Variants in SEZ6L observed in about 807,000 individuals in gnomAD.
The protein encoded by SEZ6L is seizure related 6 homolog like.
In SEZ6L, 37 loss-of-function variants were observed where a neutral mutation model predicts 106.2. The observed-to-expected ratio is 0.35, with a 90% CI of 0.27 to 0.46. The LOEUF is 0.46. SEZ6L is among the 20% of genes least tolerant of loss of function. SEZ6L has a pLI of 1.00. For missense variants in SEZ6L, 1,172 were observed against 1,332.8 expected (o/e 0.88, Z 1.88); for synonymous variants, 541 against 570.4 (o/e 0.95, Z 0.73).
At chr22:26,365,671 G>A (rs756401803) in intron 13 of SEZ6L, 105 bp downstream of exon 13, 131 of 1,019,634 alleles carry the variant, frequency 1.3e-4, no homozygotes, top group Admixed American at 1.9e-4. Flanking sequence ...CTAGGAGTTC[G>A]AGACCAGCCG....
At chr22:26,218,244 T>G (rs1382103362) in intron 1 of SEZ6L, among the ~76,000 whole-genome samples, 1 of 152,222 alleles carries the variant, frequency 6.6e-6, no homozygotes, top group African/African-American at 2.4e-5. Flanking sequence ...TTGTTTGTTT[T>G]GTTTTTTTAC....
intron 6 of SEZ6L, 49 bp downstream of exon 6, chr22:26,306,193 A>G (rs186376705): frequency 1.9e-6 from 3 of 1,592,596 alleles, no homozygotes; most frequent in Admixed American, 1.7e-5. Context: ...CCAGAATATT[A>G]GAACATGGCT....
chr22:26,232,613 C>T (rs1006435877), intron 1 of SEZ6L, among the ~76,000 whole-genome samples: 2 of 152,194 alleles, frequency 1.3e-5, no homozygotes, highest in African/African-American at 4.8e-5. Context: ...CATTGCATTA[C>T]AACTGCCAAT....
intron 1 of SEZ6L, among the ~76,000 whole-genome samples, chr22:26,175,976 T>A (rs1416072148): frequency 6.6e-6 from 1 of 152,198 alleles, no homozygotes; most frequent in African/African-American, 2.4e-5. Flanking sequence ...GCTGAAGACC[T>A]CAAACACCCC....
Position 26,352,160 on chromosome 22 carries a change from C to CAA in SEZ6L, c.2599+932_2599+933dup, listed in dbSNP as rs3071657. Among the ~76,000 whole-genome samples, 302 of 121,186 alleles carry CAA rather than the reference C, an allele frequency of 2.5e-3. 2 individuals carry two copies. The highest frequency in any genetic ancestry group is 8.6e-3 in the African/African-American group (272 of 31,676). The allele number at this position is 121,186 out of a possible 152,430, so 79.5% of individuals were successfully genotyped here. ...TGGGTGGCACAGCGAGACCCTGCCT[C>CAA]AAAAAAAAAAAAAAAAGAATACTAC... On this transcript the variant is annotated intron_variant, in intron 12 of 16. Coordinates refer to ENST00000248933, the MANE Select transcript of SEZ6L (RefSeq NM_021115.5).
intron 1 of SEZ6L, among the ~76,000 whole-genome samples, chr22:26,249,051 C>T (rs1445805049): frequency 6.6e-6 from 1 of 152,160 alleles, no homozygotes; most frequent in African/African-American, 2.4e-5. Flanking sequence ...TTTTAATTGA[C>T]ATATAATAAT....
chr22:26,284,458 AT>A (rs2080865338), intron 1 of SEZ6L, among the ~76,000 whole-genome samples: 1 of 152,078 alleles, frequency 6.6e-6, no homozygotes, highest in Admixed American at 6.6e-5. Flanking sequence ...AATATAAAAA[AT>A]ATTAGCCGGG....
intron 1 of SEZ6L, among the ~76,000 whole-genome samples, chr22:26,267,398 A>T (rs1051692355): frequency 9.2e-5 from 14 of 152,226 alleles, no homozygotes; most frequent in African/African-American, 3.1e-4. Flanking sequence ...AAAGTAGGAC[A>T]TGAGGCTGGT....
intron 1 of SEZ6L, among the ~76,000 whole-genome samples, chr22:26,188,454 T>A (rs918137161): frequency 6.6e-6 from 1 of 152,132 alleles, no homozygotes; most frequent in African/African-American, 2.4e-5. Flanking sequence ...AAGTTTTCCC[T>A]CATGTGACTT....
At chr22:26,376,770 A>C (rs2084240255) in intron 15 of SEZ6L, among the ~76,000 whole-genome samples, 1 of 152,128 alleles carries the variant, frequency 6.6e-6, no homozygotes, top group Non-Finnish European at 1.5e-5. Flanking sequence ...AAACCTATGC[A>C]AATATGTGAA....
chr22:26,176,717 A>T (rs1939028430), intron 1 of SEZ6L, among the ~76,000 whole-genome samples: 1 of 152,220 alleles, frequency 6.6e-6, no homozygotes, highest in Non-Finnish European at 1.5e-5. Context: ...TCGTCAATAT[A>T]TGTGCATATT....
intron 9 of SEZ6L, among the ~76,000 whole-genome samples, chr22:26,332,711 A>G (rs4822705): frequency 0.62 from 94,402 of 152,108 alleles, 29,801 homozygotes; most frequent in South Asian, 0.79. Context: ...GCCTCCCAAA[A>G]TGCTGGGATT....
intron 9 of SEZ6L, among the ~76,000 whole-genome samples, chr22:26,333,720 A>G (rs2082559171): frequency 6.6e-6 from 1 of 152,178 alleles, no homozygotes; most frequent in African/African-American, 2.4e-5. Context: ...GAGCATCCCC[A>G]GACCAATGGG....
At chr22:26,282,980 G>C (rs550645405) in intron 1 of SEZ6L, among the ~76,000 whole-genome samples, 1 of 152,206 alleles carries the variant, frequency 6.6e-6, no homozygotes, top group East Asian at 1.9e-4. Context: ...GAGTACAGTG[G>C]CGCGATTTTG....
chr22:26,175,638 G>C (rs924690390), intron 1 of SEZ6L, among the ~76,000 whole-genome samples: 1 of 152,104 alleles, frequency 6.6e-6, no homozygotes. Flanking sequence ...AGAAGACCTC[G>C]TAAAAGAGAG....
chr22:26,362,575 G>C (rs988809377), intron 12 of SEZ6L, among the ~76,000 whole-genome samples: 2 of 152,288 alleles, frequency 1.3e-5, no homozygotes, highest in Non-Finnish European at 2.9e-5. Context: ...CAGACCATGA[G>C]CTCTAGAGGA....
intron 1 of SEZ6L, among the ~76,000 whole-genome samples, chr22:26,199,961 C>T (rs745687324): frequency 1.3e-5 from 2 of 152,124 alleles, no homozygotes; most frequent in South Asian, 2.1e-4. Context: ...TGAGTTGGCC[C>T]GTTTAAATCT....
chr22:26,270,779 C>T (rs1286500654), intron 1 of SEZ6L, among the ~76,000 whole-genome samples: 1 of 152,212 alleles, frequency 6.6e-6, no homozygotes, highest in Non-Finnish European at 1.5e-5. Context: ...AGGAAAACCC[C>T]TCGCTGGTGT....
rs550391397 is a variant in SEZ6L, at chr22:26,295,106, C to T, written c.969+681C>T. ...GTCCTACCTCTTCCAGTTAAAACTG[C>T]GTGACTTTGAACAAGGAACTTCACC... On this transcript the variant is annotated intron_variant, in intron 3 of 16. Transcript: ENST00000248933. 7.2e-5 allele frequency among the ~76,000 whole-genome samples: 11 copies of T among 152,224 alleles called. No individual in the cohort carries two copies. The East Asian group carries it at 7.7e-4, about 11-fold the overall frequency.
Sources: gnomAD v4.1 joint callset for allele counts (sites outside exome capture counted in the v4.1 genomes callset) on GRCh38, gnomAD v4.1.1 for gene constraint, MANE v1.5 for transcripts, NCBI Gene and HGNC (gene_info 2026-07-23, HGNC 2026-07-21) for gene names.